The following IFT140 variants were observed in gnomAD, a reference collection of about 807,000 sequenced individuals.
IFT140 encodes intraflagellar transport protein 140 homolog.
In IFT140, 133 loss-of-function variants were observed where a neutral mutation model predicts 164.6. That is an observed-to-expected ratio of 0.81 (90% CI 0.70 to 0.93). The LOEUF is 0.93. Among genes scored for constraint, IFT140 ranks in the 40% least tolerant of loss-of-function variants. IFT140 has a pLI of 0.00. For synonymous variants in IFT140, 860 were observed against 817.3 expected, an observed-to-expected ratio of 1.05 and a Z score of -0.89; for missense variants, 2,045 against 1,972.3, an observed-to-expected ratio of 1.04 and a Z score of -0.70.
intron 1 of IFT140, among the ~76,000 whole-genome samples, chr16:1,611,640 C>T (rs886972071): frequency 6.6e-6 from 1 of 151,752 alleles, no homozygotes; most frequent in Admixed American, 6.6e-5. Flanking sequence ...CATGGTGAAA[C>T]CCCGTATGTA....
At chr16:1,585,058 G>A (rs2034795545) in intron 10 of IFT140, among the ~76,000 whole-genome samples, 1 of 152,170 alleles carries the variant, frequency 6.6e-6, no homozygotes, top group Non-Finnish European at 1.5e-5. Context: ...GTCTCATCAG[G>A]TAGAGAACAG....
intron 30 of IFT140, among the ~76,000 whole-genome samples, chr16:1,517,298 C>T (rs541046609): frequency 1.3e-5 from 2 of 150,488 alleles, no homozygotes; most frequent in South Asian, 2.1e-4. Flanking sequence ...TGCAGTGAGC[C>T]GAGATCGCGC....
At chr16:1,559,886 T>C (rs572598396) in intron 18 of IFT140, among the ~76,000 whole-genome samples, 2 of 152,344 alleles carry the variant, frequency 1.3e-5, no homozygotes, top group African/African-American at 4.8e-5. Context: ...TGGGCGTCTG[T>C]ACTTACGACT....
At chr16:1,601,312 A>T (rs1264588183) in intron 4 of IFT140, among the ~76,000 whole-genome samples, 3 of 152,034 alleles carry the variant, frequency 2.0e-5, no homozygotes, top group Admixed American at 2.0e-4. Flanking sequence ...CAGAAATGCA[A>T]CGTATGAGCC....
At chr16:1,522,642 C>G (rs527299921) in intron 26 of IFT140, among the ~76,000 whole-genome samples, 28 of 152,268 alleles carry the variant, frequency 1.8e-4, no homozygotes, top group African/African-American at 6.0e-4. Flanking sequence ...AGATCGAGAC[C>G]ATCCTGGCCA....
At chr16:1,577,074 C>A (rs1381864611) in intron 13 of IFT140, 1 of 152,192 alleles carries the variant, frequency 6.6e-6, no homozygotes, top group Non-Finnish European at 1.5e-5. Context: ...TCGTGCAATA[C>A]TGTAAAAGGT....
chr16:1,541,189 C>T (rs1475598332), intron 19 of IFT140: 1 of 985,422 alleles, frequency 1.0e-6, no homozygotes, highest in Non-Finnish European at 1.2e-6. Flanking sequence ...GAAGGCTGGG[C>T]ACAGGCCTGC....
At chr16:1,603,648 A>C (rs1011452313) in intron 3 of IFT140, among the ~76,000 whole-genome samples, 6 of 152,034 alleles carry the variant, frequency 3.9e-5, no homozygotes, top group African/African-American at 1.4e-4. Flanking sequence ...AAGCCCAGCT[A>C]ATTTTTGTAT....
chr16:1,522,773 G>C lies in IFT140; in HGVS notation c.3453+745C>G, dbSNP rs538723080. ...GAATCGCCTGAACCCAGGAAGTGGA[G>C]CTTGCAGTGAGCCGAGATTGCGCCA... On this transcript the variant is annotated intron_variant, in intron 26 of 30. Transcript: ENST00000426508. Among the ~76,000 whole-genome samples, 40 of 152,322 alleles carry C rather than the reference G, an allele frequency of 2.6e-4. No homozygotes were observed. In the East Asian group the frequency reaches 7.7e-3, roughly 29 times the overall value.
Position 1,580,818 on chromosome 16 carries a change from T to A in IFT140, c.1465A>T (p.Met489Leu). Residue 489 changes from methionine to leucine, a missense_variant, in exon 13 of 31, where the codon ATG becomes TTG. Coordinates refer to ENST00000426508, the MANE Select transcript of IFT140 (RefSeq NM_014714.4). ...ACCGTGTAAACGTTTTCTTCATGCA[T>A]TGCTAACACAGGCGTCTCACACAAG... ...TFLCETPVLA[M>L]HEENVYTVES... 3 of 1,613,858 alleles carry A rather than the reference T, an allele frequency of 1.9e-6. No homozygotes were observed. Among genetic ancestry groups the A allele is most frequent in the Non-Finnish European group, 2.5e-6 (3 of 1,179,852 alleles).
At position 1,528,382 on chromosome 16, in the gene IFT140, CGT is replaced by C. The variant is rs1242096252; in HGVS notation, c.2400-1588_2400-1587del. The stretch of plus-strand genomic sequence containing the variant: ...GTGTGCACACACACGCATGCACGCA[CGT>C]GTGCACACACACGGATGCACACACA... On this transcript the variant is annotated intron_variant, in intron 19 of 30. Transcript: ENST00000426508. Among the ~76,000 whole-genome samples, 3 of 151,170 alleles carry C rather than the reference CGT, an allele frequency of 2.0e-5. No individual in the cohort carries two copies. In the South Asian group the frequency reaches 6.3e-4, roughly 32 times the overall value.
Position 1,607,429 on chromosome 16 carries a change from T to C in IFT140, c.-31-132A>G, listed in dbSNP as rs529247809. ...GACCATCGGCAACTTGAAAATGCCTTGCGGACTGAGCAGGCAACCTGATGC... is the reference window on the plus strand; with the variant it reads ...GACCATCGGCAACTTGAAAATGCCTCGCGGACTGAGCAGGCAACCTGATGC... On this transcript the variant is annotated intron_variant, in intron 2 of 30. Coordinates refer to ENST00000426508, the MANE Select transcript of IFT140 (RefSeq NM_014714.4). The C allele has an allele frequency of 1.2e-4, 90 of 743,346 alleles. 1 individual carries two copies. The highest frequency in any genetic ancestry group is 1.1e-3 in the South Asian group (56 of 51,086). 46.0% of individuals were successfully genotyped at this position (743,346 alleles called of 1,614,324 possible).
chr16:1,555,052 C>T (rs12443939), intron 19 of IFT140: 90,936 of 1,587,050 alleles, frequency 0.057, 4,587 homozygotes, highest in Admixed American at 0.26. Context: ...GCTCCATCAA[C>T]GCACACCTGC....
chr16:1,568,805 A>G (rs1005824878), intron 14 of IFT140, among the ~76,000 whole-genome samples: 1 of 152,138 alleles, frequency 6.6e-6, no homozygotes, highest in African/African-American at 2.4e-5. Context: ...GCCGTTCTAT[A>G]CCTGGAGTTT....
chr16:1,592,024 C>G (rs878891917), intron 6 of IFT140, 152 bp downstream of exon 6: 4 of 791,072 alleles, frequency 5.1e-6, no homozygotes, highest in Admixed American at 2.7e-5. Flanking sequence ...AGAGTGGCTG[C>G]GGCACTCCGC....
At chr16:1,535,485 G>A (rs937977062) in intron 19 of IFT140, among the ~76,000 whole-genome samples, 3 of 152,206 alleles carry the variant, frequency 2.0e-5, no homozygotes, top group Admixed American at 1.3e-4. Context: ...ACAGACTCGG[G>A]GTTGGACGCT....
intron 19 of IFT140, among the ~76,000 whole-genome samples, chr16:1,528,496 TACAC>T (rs956131996): frequency 1.5e-4 from 21 of 143,938 alleles, no homozygotes; most frequent in Admixed American, 4.8e-4. Context: ...TGCACTCACA[TACAC>T]ACACATGCAG....
intron 26 of IFT140, among the ~76,000 whole-genome samples, chr16:1,522,396 G>A (rs925170184): frequency 3.9e-5 from 6 of 152,244 alleles, no homozygotes; most frequent in South Asian, 2.1e-4. Flanking sequence ...TTAGCCGGGC[G>A]TGGTGGTGCA....
Position 1,544,333 on chromosome 16 carries a change from G to A in IFT140, c.2399+13602C>T, listed in dbSNP as rs1030427814. Among the ~76,000 whole-genome samples the A allele has an allele frequency of 2.4e-4, 36 of 151,948 alleles. 1 individual carries two copies. Among genetic ancestry groups the A allele is most frequent in the South Asian group, 2.3e-3 (11 of 4,816 alleles). ...TGAGCAGCTGGGACTACAGGCGCCCGCCACCATGCCCGGCTAATTTTTTTT... is the reference window on the plus strand; with the variant it reads ...TGAGCAGCTGGGACTACAGGCGCCCACCACCATGCCCGGCTAATTTTTTTT... On this transcript the variant is annotated intron_variant, in intron 19 of 30. Coordinates refer to ENST00000426508, the MANE Select transcript of IFT140 (RefSeq NM_014714.4).
Sources: gnomAD v4.1 joint callset for allele counts (sites outside exome capture counted in the v4.1 genomes callset) on GRCh38, gnomAD v4.1.1 for gene constraint, MANE v1.5 for transcripts, NCBI Gene and HGNC (gene_info 2026-07-23, HGNC 2026-07-21) for gene names.